The following AGBL4 variants were observed in gnomAD, a reference collection of about 807,000 sequenced individuals.
AGBL4 encodes AGBL carboxypeptidase 4.
Under a neutral mutation model 66.4 loss-of-function variants are expected in AGBL4, and 58 were observed. The observed-to-expected ratio is 0.87, with a 90% CI of 0.71 to 1.09. AGBL4 has a LOEUF of 1.09. Among genes scored for constraint, AGBL4 ranks in the 50% least tolerant of loss-of-function variants. The probability of loss-of-function intolerance (pLI) is 0.00; values close to 1 mark genes in which losing one functional copy is unlikely to be tolerated. For synonymous variants in AGBL4, 234 were observed against 222.9 expected, an observed-to-expected ratio of 1.05 and a Z score of -0.44; for missense variants, 579 against 631.0, an observed-to-expected ratio of 0.92 and a Z score of 0.88.
At chr1:49,062,611 ACGT>A (rs1644423410) in intron 4 of AGBL4, among the ~76,000 whole-genome samples, 1 of 152,210 alleles carries the variant, frequency 6.6e-6, no homozygotes, top group Admixed American at 6.5e-5. Flanking sequence ...ACAGCATAAC[ACGT>A]AAGCCATGTT....
intron 6 of AGBL4, among the ~76,000 whole-genome samples, chr1:48,719,144 T>G (rs1441143557): frequency 1.3e-5 from 2 of 152,122 alleles, no homozygotes; most frequent in African/African-American, 2.4e-5. Context: ...GACAGAGACA[T>G]GTACAAACCT....
intron 6 of AGBL4, among the ~76,000 whole-genome samples, chr1:48,842,288 A>G (rs1646822513): frequency 6.6e-6 from 1 of 151,794 alleles, no homozygotes; most frequent in African/African-American, 2.4e-5. Flanking sequence ...GGAGAGGTGG[A>G]TGAGTGTATT....
At chr1:49,267,290 AG>A (rs1235269837) in intron 3 of AGBL4, among the ~76,000 whole-genome samples, 3 of 152,224 alleles carry the variant, frequency 2.0e-5, no homozygotes, top group Non-Finnish European at 4.4e-5. Context: ...GACTGAGATC[AG>A]GGCAAAATCC....
intron 3 of AGBL4, among the ~76,000 whole-genome samples, chr1:49,304,931 A>T (rs1174983424): frequency 6.6e-6 from 1 of 152,182 alleles, no homozygotes; most frequent in Non-Finnish European, 1.5e-5. Context: ...GAACTAAATA[A>T]ACTATTTATG....
intron 5 of AGBL4, among the ~76,000 whole-genome samples, chr1:48,933,799 TC>T (rs1173004584): frequency 6.6e-6 from 1 of 152,216 alleles, no homozygotes; most frequent in Non-Finnish European, 1.5e-5. Context: ...TATTACTTCT[TC>T]CCAATCATCT....
At chr1:48,824,243 C>T (rs994710921) in intron 6 of AGBL4, among the ~76,000 whole-genome samples, 1 of 152,126 alleles carries the variant, frequency 6.6e-6, no homozygotes, top group African/African-American at 2.4e-5. Flanking sequence ...AGTCACAAAC[C>T]AGCACACCAA....
chr1:48,791,327 G>C (rs1180110427), intron 6 of AGBL4, among the ~76,000 whole-genome samples: 2 of 152,156 alleles, frequency 1.3e-5, no homozygotes, highest in Non-Finnish European at 1.5e-5. Flanking sequence ...GCTGAGGAGG[G>C]GGGTGGGAGA....
At chr1:48,996,817 C>CCCTTCCTTCCTT (rs58530293) in intron 5 of AGBL4, among the ~76,000 whole-genome samples, 12,334 of 147,760 alleles carry the variant, frequency 0.083, 614 homozygotes, top group Admixed American at 0.12. Context: ...CTTCCTTCCT[C>CCCTTCCTTCCTT]CCTTCCTTCC....
At chr1:49,093,348 A>G (rs1645034108) in intron 4 of AGBL4, among the ~76,000 whole-genome samples, 1 of 152,146 alleles carries the variant, frequency 6.6e-6, no homozygotes, top group Non-Finnish European at 1.5e-5. Context: ...TTTTATAGCC[A>G]ATATCTTACT....
intron 1 of AGBL4, among the ~76,000 whole-genome samples, chr1:49,881,047 G>C (rs545451228): frequency 6.6e-6 from 1 of 152,102 alleles, no homozygotes. Context: ...CCACTGGCCT[G>C]CGCCCACTGT....
intron 3 of AGBL4, among the ~76,000 whole-genome samples, chr1:49,353,141 T>A (rs1382711157): frequency 6.6e-6 from 1 of 152,218 alleles, no homozygotes; most frequent in Non-Finnish European, 1.5e-5. Flanking sequence ...ACCTTTGACC[T>A]GTAAGGTCTG....
chr1:49,542,361 A>G (rs945748590), intron 3 of AGBL4, among the ~76,000 whole-genome samples: 2 of 152,132 alleles, frequency 1.3e-5, no homozygotes, highest in Non-Finnish European at 2.9e-5. Context: ...ACTCACCGCA[A>G]AGGTCTGCAG....
chr1:49,553,032 C>T (rs529659672), intron 3 of AGBL4, among the ~76,000 whole-genome samples: 11 of 151,978 alleles, frequency 7.2e-5, no homozygotes, highest in East Asian at 5.8e-4. Flanking sequence ...CAATGTAAGA[C>T]AATATGTAGC....
intron 3 of AGBL4, among the ~76,000 whole-genome samples, chr1:49,438,184 AACTT>A (rs1358080408): frequency 6.6e-6 from 1 of 152,166 alleles, no homozygotes; most frequent in Non-Finnish European, 1.5e-5. Context: ...ATGTCTAACT[AACTT>A]TCCTTTGGCC....
intron 4 of AGBL4, among the ~76,000 whole-genome samples, chr1:49,210,176 AG>A (rs1357911622): frequency 2.0e-5 from 3 of 152,038 alleles, no homozygotes; most frequent in African/African-American, 7.2e-5. Flanking sequence ...TATTATTTTC[AG>A]GCCCCATTCT....
At chr1:49,525,678 A>G (rs1339994674) in intron 3 of AGBL4, among the ~76,000 whole-genome samples, 1 of 152,034 alleles carries the variant, frequency 6.6e-6, no homozygotes, top group Non-Finnish European at 1.5e-5. Context: ...TCACCAGGGA[A>G]GAGGCCAGAC....
At chr1:49,501,113 T>C (rs1648113412) in intron 3 of AGBL4, among the ~76,000 whole-genome samples, 1 of 152,118 alleles carries the variant, frequency 6.6e-6, no homozygotes, top group Admixed American at 6.6e-5. Flanking sequence ...TTGCTAAGTG[T>C]ATTTTTTGTT....
At chr1:48,804,137 C>T (rs910523623) in intron 6 of AGBL4, among the ~76,000 whole-genome samples, 3 of 152,146 alleles carry the variant, frequency 2.0e-5, no homozygotes, top group Admixed American at 6.5e-5. Context: ...AGGCTACTAT[C>T]TCTTGTAACT....
intron 8 of AGBL4, among the ~76,000 whole-genome samples, chr1:48,643,653 T>A (rs1645792303): frequency 6.6e-6 from 1 of 152,230 alleles, no homozygotes; most frequent in Non-Finnish European, 1.5e-5. Flanking sequence ...AACTCCCCAT[T>A]GCTTTCAATC....
Sources: gnomAD v4.1 joint callset for allele counts (sites outside exome capture counted in the v4.1 genomes callset) on GRCh38, gnomAD v4.1.1 for gene constraint, MANE v1.5 for transcripts, NCBI Gene and HGNC (gene_info 2026-07-23, HGNC 2026-07-21) for gene names.